Variants in IFT57 observed in about 807,000 individuals in gnomAD.
IFT57 encodes intraflagellar transport 57, also known as intraflagellar transport protein 57 homolog.
Under a neutral mutation model 56.8 loss-of-function variants are expected in IFT57, and 59 were observed. The ratio of observed to expected loss-of-function variants is 1.04; its 90% CI spans 0.84 to 1.29. The LOEUF is 1.29. Among genes scored for constraint, IFT57 ranks in the 50% most tolerant of loss-of-function variants. IFT57 has a pLI of 0.00. For missense variants in IFT57, 470 were observed against 522.1 expected (o/e 0.90, Z 0.97); for synonymous variants, 209 against 186.1 (o/e 1.12, Z -1.00).
At chr3:108,217,448 T>G (rs1427349287) in intron 3 of IFT57, among the ~76,000 whole-genome samples, 1 of 152,010 alleles carries the variant, frequency 6.6e-6, no homozygotes, top group Non-Finnish European at 1.5e-5. Flanking sequence ...TTTAATAAAG[T>G]ATTATGGACC....
At chr3:108,193,119 C>G (rs2080225182) in intron 5 of IFT57, among the ~76,000 whole-genome samples, 1 of 152,194 alleles carries the variant, frequency 6.6e-6, no homozygotes, top group African/African-American at 2.4e-5. Context: ...ATTACATTCT[C>G]AATATATATT....
intron 4 of IFT57, among the ~76,000 whole-genome samples, chr3:108,207,503 G>C: frequency 6.6e-6 from 1 of 152,120 alleles, no homozygotes; most frequent in Non-Finnish European, 1.5e-5. Context: ...CGATAATAAA[G>C]CCAATGGAAC....
Position 108,162,668 on chromosome 3 carries a change from A to T in IFT57, c.1112-13T>A, listed in dbSNP as rs1360443468. On this transcript the variant is annotated splice_polypyrimidine_tract_variant and intron_variant, in intron 10 of 10. Transcript: ENST00000264538. ...TTCACCAAAGGAGCTGCAGAATGAA[A>T]ATAACATGAAATAAAAATGTTCATT... The T allele has an allele frequency of 1.9e-6, 3 of 1,560,590 alleles. No individual in the cohort carries two copies. The highest frequency in any genetic ancestry group is 1.7e-6 in the Non-Finnish European group (2 of 1,147,802).
rs773358344 is a variant in IFT57, at chr3:108,219,645, G to A, written c.213-73C>T. On this transcript the variant is annotated intron_variant, in intron 1 of 10. Coordinates refer to ENST00000264538, the MANE Select transcript of IFT57 (RefSeq NM_018010.4). ...TAAGTCTATAATAACTAATAGGGCC[G>A]AATTCACAATTGTCCAACAATCTTT... 151 of 1,424,586 alleles carry A rather than the reference G, an allele frequency of 1.1e-4. 1 individual carries two copies. The highest frequency in any genetic ancestry group is 2.8e-4 in the South Asian group (23 of 80,890). 88.2% of individuals were successfully genotyped at this position (1,424,586 alleles called of 1,614,324 possible).
At chr3:108,187,485 C>T (rs2080190550) in intron 6 of IFT57, among the ~76,000 whole-genome samples, 2 of 151,664 alleles carry the variant, frequency 1.3e-5, no homozygotes, top group Admixed American at 6.6e-5. Context: ...TGCTAGGAAG[C>T]ATAAAAAGAA....
At chr3:108,167,978 G>T in intron 6 of IFT57, 114 bp from the exon 7 acceptor site, 1 of 600,920 alleles carries the variant, frequency 1.7e-6, no homozygotes, top group Non-Finnish European at 2.8e-6. Flanking sequence ...ATTTCAGGTG[G>T]GATAGCCCTA....
chr3:108,201,092 A>C (rs886349903), intron 5 of IFT57, among the ~76,000 whole-genome samples: 3 of 152,202 alleles, frequency 2.0e-5, no homozygotes, highest in Admixed American at 1.3e-4. Context: ...TCCCCAGATA[A>C]GAAAGCAGAG....
At chr3:108,165,318 G>T in intron 9 of IFT57, 113 bp downstream of exon 9, 6 of 757,892 alleles carry the variant, frequency 7.9e-6, no homozygotes, top group Non-Finnish European at 1.2e-5. Context: ...TAAAGAAAAT[G>T]ATTTAAAGGC....
chr3:108,192,712 C>T (rs1250483745), intron 5 of IFT57, among the ~76,000 whole-genome samples: 1 of 151,752 alleles, frequency 6.6e-6, no homozygotes. Flanking sequence ...AATGTATGAA[C>T]CTTATATGAA....
intron 6 of IFT57, among the ~76,000 whole-genome samples, chr3:108,188,004 A>T (rs950485151): frequency 3.8e-4 from 56 of 148,790 alleles, no homozygotes; most frequent in Admixed American, 2.7e-3. Context: ...TTTGTTACGT[A>T]TGTAGCATGT....
At chr3:108,162,763 A>C (rs1160581823) in intron 10 of IFT57, 108 bp from the exon 11 acceptor site, 1 of 851,504 alleles carries the variant, frequency 1.2e-6, no homozygotes, top group Non-Finnish European at 1.7e-6. Context: ...AATAGGGTTA[A>C]AAATATAGCC....
chr3:108,173,047 T>C lies in IFT57; in HGVS notation c.778-5183A>G, dbSNP rs556226007. 4.5e-4 allele frequency among the ~76,000 whole-genome samples: 68 copies of C among 151,824 alleles called. 3 individuals carry two copies. Among genetic ancestry groups the C allele is most frequent in the Non-Finnish European group, 2.9e-5 (2 of 67,870 alleles). ...CTTCTAGAAATTATTCTCACAGAAA[T>C]AATTGGGAATACACAAAGATTAATG... On this transcript the variant is annotated intron_variant, in intron 6 of 10. Coordinates refer to ENST00000264538, the MANE Select transcript of IFT57 (RefSeq NM_018010.4).
At chr3:108,199,204 T>C (rs905287347) in intron 5 of IFT57, among the ~76,000 whole-genome samples, 7 of 152,182 alleles carry the variant, frequency 4.6e-5, no homozygotes, top group Non-Finnish European at 1.0e-4. Flanking sequence ...CCACGGAACA[T>C]ATTTTACTTT....
intron 7 of IFT57, 75 bp from the exon 8 acceptor site, chr3:108,167,060 A>G: frequency 1.5e-6 from 2 of 1,294,850 alleles, no homozygotes; most frequent in South Asian, 2.8e-5. Flanking sequence ...AATGGGTTAC[A>G]TCTCAATCCA....
intron 5 of IFT57, among the ~76,000 whole-genome samples, chr3:108,200,411 C>A (rs1042983287): frequency 6.6e-6 from 1 of 151,806 alleles, no homozygotes; most frequent in African/African-American, 2.4e-5. Flanking sequence ...ATGAATCAGA[C>A]ATATATTCAA....
At chr3:108,219,683 T>G in intron 1 of IFT57, 111 bp from the exon 2 acceptor site, 1 of 1,147,412 alleles carries the variant, frequency 8.7e-7, no homozygotes, top group Admixed American at 2.1e-5. Context: ...TCCCCCCAAA[T>G]GGCCATCAAA....
chr3:108,168,185 C>G (rs180886796), intron 6 of IFT57, among the ~76,000 whole-genome samples: 55 of 152,030 alleles, frequency 3.6e-4, no homozygotes, highest in Non-Finnish European at 6.8e-4. Context: ...AAAAGAACTA[C>G]TTGTTTAAGC....
intron 3 of IFT57, 38 bp from the exon 4 acceptor site, chr3:108,214,059 ATATT>A: frequency 2.4e-6 from 3 of 1,254,310 alleles, no homozygotes; most frequent in Non-Finnish European, 3.5e-6. Flanking sequence ...GATAATTTTA[ATATT>A]TAGTAAGACA....
chr3:108,212,320 T>C (rs1413265124), intron 4 of IFT57, among the ~76,000 whole-genome samples: 1 of 152,088 alleles, frequency 6.6e-6, no homozygotes. Context: ...GAAGCAATCC[T>C]CCCACCGCCT....
Sources: allele counts gnomAD v4.1 joint callset (sites outside exome capture counted in the v4.1 genomes callset), GRCh38; gene constraint gnomAD v4.1.1; transcripts MANE v1.5; gene names NCBI Gene and HGNC (gene_info 2026-07-23, HGNC 2026-07-21).